The following ABCA8 variants were observed in gnomAD, a reference collection of about 807,000 sequenced individuals.
ABCA8 encodes the protein ABC-type organic anion transporter ABCA8.
Under a neutral mutation model 192.3 loss-of-function variants are expected in ABCA8, and 177 were observed. The ratio of observed to expected loss-of-function variants is 0.92; its 90% confidence interval spans 0.81 to 1.04. ABCA8 has a LOEUF of 1.04. ABCA8 is among the 50% of genes least tolerant of loss of function. ABCA8 has a pLI of 0.00. For synonymous variants in ABCA8, 642 were observed against 690.2 expected (o/e 0.93, Z 1.09); for missense variants, 1,915 against 1,904.8 (o/e 1.01, Z -0.10).
At chr17:68,873,980 A>G (rs1021591169) in intron 37 of ABCA8, among the ~76,000 whole-genome samples, 1 of 152,164 alleles carries the variant, frequency 6.6e-6, no homozygotes, top group African/African-American at 2.4e-5. Context: ...ATTTCTATAA[A>G]TGAGAGTCAG....
intron 23 of ABCA8, 65 bp downstream of exon 23, chr17:68,894,108 A>G (rs1232947712): frequency 1.3e-6 from 2 of 1,551,896 alleles, no homozygotes; most frequent in African/African-American, 2.7e-5. Flanking sequence ...TCCAGCACTT[A>G]AAAGGGTGAT....
At chr17:68,939,940 G>T (rs1026338700) in intron 4 of ABCA8, among the ~76,000 whole-genome samples, 1 of 151,930 alleles carries the variant, frequency 6.6e-6, no homozygotes, top group Non-Finnish European at 1.5e-5. Context: ...TAATAATAAG[G>T]CTAAGAGAAG....
intron 4 of ABCA8, 132 bp downstream of exon 4, chr17:68,940,626 G>A (rs1227106872): frequency 1.3e-6 from 1 of 766,068 alleles, no homozygotes; most frequent in Non-Finnish European, 2.1e-6. Context: ...ATAAAGGGAA[G>A]ACACATTCCC....
chr17:68,882,348 C>A (rs564586641), intron 30 of ABCA8, among the ~76,000 whole-genome samples: 18 of 152,330 alleles, frequency 1.2e-4, no homozygotes, highest in African/African-American at 4.3e-4. Flanking sequence ...CTCCAACAAG[C>A]AATGATGTCT....
At chr17:68,909,079 T>C (rs534592551) in intron 17 of ABCA8, among the ~76,000 whole-genome samples, 11 of 152,338 alleles carry the variant, frequency 7.2e-5, no homozygotes, top group African/African-American at 2.6e-4. Flanking sequence ...CTGTTTTCCA[T>C]GATGCTGACT....
rs1297685958 is a variant in ABCA8, at chr17:68,932,336, C to A, written c.749G>T (p.Arg250Met). The change falls in exon 7 of 40, where the codon AGG becomes ATG. Residue 250 changes from arginine (R) to methionine (M), a missense_variant. By Grantham distance (91) the Arg-to-Met change is moderately conservative. Coordinates refer to ENST00000586539, the MANE Select transcript of ABCA8 (RefSeq NM_001288985.2). ...CATCATTGTCATCAAGGCCTTCATC[C>A]TTTTCCTCTCTCTTGTGACATTAAC... ...ASVNVTRERK[R>M]MKALMTMMGL... The A allele has an allele frequency of 3.1e-6, 5 of 1,614,084 alleles. No individual in the cohort carries two copies. The highest frequency in any genetic ancestry group is 2.7e-5 in the African/African-American group (2 of 75,044).
At chr17:68,873,818 T>C (rs2066132017) in intron 37 of ABCA8, among the ~76,000 whole-genome samples, 1 of 152,212 alleles carries the variant, frequency 6.6e-6, no homozygotes. Context: ...CCCTTCCCCA[T>C]CATGTATTCT....
chr17:68,900,904 G>A (rs904373095), intron 21 of ABCA8, among the ~76,000 whole-genome samples: 5 of 152,062 alleles, frequency 3.3e-5, no homozygotes, highest in African/African-American at 1.2e-4. Context: ...AAAAAGACAT[G>A]TCACAGCCTT....
intron 36 of ABCA8, 33 bp from the exon 37 acceptor site, chr17:68,875,433 A>G (rs767944206): frequency 6.2e-7 from 1 of 1,611,402 alleles, no homozygotes; most frequent in Non-Finnish European, 8.5e-7. Flanking sequence ...AAAGGAGAAA[A>G]AAAAAACCAT....
At chr17:68,897,656 T>A (rs2066800369) in intron 21 of ABCA8, among the ~76,000 whole-genome samples, 1 of 152,168 alleles carries the variant, frequency 6.6e-6, no homozygotes, top group Non-Finnish European at 1.5e-5. Context: ...CAATAAAAAG[T>A]TATTTCAAGT....
chr17:68,870,260 C>T (rs1421927177), intron 37 of ABCA8, among the ~76,000 whole-genome samples: 1 of 152,148 alleles, frequency 6.6e-6, no homozygotes, highest in Non-Finnish European at 1.5e-5. Context: ...TGCTGCAGCC[C>T]ACTCTGTAAG....
chr17:68,893,296 C>T (rs2066659779), intron 23 of ABCA8, among the ~76,000 whole-genome samples: 1 of 152,160 alleles, frequency 6.6e-6, no homozygotes, highest in African/African-American at 2.4e-5. Context: ...AAAAAGGAAT[C>T]ATTACAAACT....
chr17:68,934,139 T>C (rs2067987846), intron 5 of ABCA8, among the ~76,000 whole-genome samples: 1 of 152,186 alleles, frequency 6.6e-6, no homozygotes, highest in Non-Finnish European at 1.5e-5. Context: ...ACTATGTTCA[T>C]TTGTTCCATA....
chr17:68,930,391 GA>G (rs2067831060), intron 7 of ABCA8, among the ~76,000 whole-genome samples: 1 of 152,100 alleles, frequency 6.6e-6, no homozygotes, highest in Non-Finnish European at 1.5e-5. Flanking sequence ...TTTTTGTTAA[GA>G]AAGATTTTTT....
Position 68,883,894 on chromosome 17 carries a change from G to C in ABCA8, c.3616-12C>G. On this transcript the variant is annotated splice_polypyrimidine_tract_variant and intron_variant, in intron 28 of 39. Transcript: ENST00000586539. ...AAATGAAGGAAAGGCTAGGAATAAAGAGAGATGCACAATTAGAAACATAAA... is the reference window on the plus strand; with the variant it reads ...AAATGAAGGAAAGGCTAGGAATAAACAGAGATGCACAATTAGAAACATAAA... The C allele has an allele frequency of 6.9e-7, 1 of 1,451,088 alleles. No individual in the cohort carries two copies. Among genetic ancestry groups the C allele is most frequent in the Non-Finnish European group, 9.5e-7 (1 of 1,047,984 alleles). 89.9% of individuals were successfully genotyped at this position (1,451,088 alleles called of 1,614,324 possible).
At chr17:68,895,798 T>A (rs529673196) in intron 21 of ABCA8, among the ~76,000 whole-genome samples, 19 of 152,248 alleles carry the variant, frequency 1.2e-4, no homozygotes, top group African/African-American at 4.1e-4. Flanking sequence ...CAGGCAAGAG[T>A]GGCTAAGAGA....
intron 3 of ABCA8, among the ~76,000 whole-genome samples, chr17:68,941,471 T>G (rs1598291399): frequency 6.6e-6 from 1 of 152,200 alleles, no homozygotes; most frequent in South Asian, 2.1e-4. Context: ...TTATAAGAGC[T>G]AATGCTAATT....
rs1567882438 is a variant in ABCA8 at position 68,940,974 on chromosome 17, A to T, written c.97-12T>A. The T allele has an allele frequency of 1.3e-6, 2 of 1,559,834 alleles. No individual in the cohort carries two copies. Among genetic ancestry groups the T allele is most frequent in the East Asian group, 4.5e-5 (2 of 44,284 alleles). ...GAATTCAGCCATTCCTATATAATAC[A>T]GGAAAAAAGATAAAGAAAAGTCTTA... On this transcript the variant is annotated splice_polypyrimidine_tract_variant and intron_variant, in intron 3 of 39. Transcript: ENST00000586539.
chr17:68,918,688 C>T (rs775476283), intron 14 of ABCA8, 142 bp from the exon 15 acceptor site: 15 of 750,336 alleles, frequency 2.0e-5, no homozygotes, highest in Non-Finnish European at 2.7e-5. Context: ...AGTCTCAGCA[C>T]TTTGGGAGGC....
Sources: gnomAD v4.1 joint callset for allele counts (sites outside exome capture counted in the v4.1 genomes callset) on GRCh38, gnomAD v4.1.1 for gene constraint, MANE v1.5 for transcripts, NCBI Gene and HGNC (gene_info 2026-07-23, HGNC 2026-07-21) for gene names.